The following AKNA variants were observed in gnomAD, a reference collection of about 807,000 sequenced individuals.
The protein encoded by AKNA is AT-hook transcription factor.
AKNA carries 67 observed loss-of-function variants against 138.8 expected under a neutral mutation model. That is an observed-to-expected ratio of 0.48 (90% CI 0.40 to 0.59). The LOEUF (loss-of-function observed/expected upper bound fraction) is 0.59, where lower values mean the gene tolerates loss of function less well. Ranked by LOEUF, AKNA falls within the 20% of genes least tolerant of loss-of-function variation. AKNA has a pLI of 0.00. For synonymous variants in AKNA, 737 were observed against 754.4 expected (o/e 0.98, Z 0.38); for missense variants, 1,813 against 1,880.4 (o/e 0.96, Z 0.66).
chr9:114,353,877 G>A (rs947073461), intron 14 of AKNA, among the ~76,000 whole-genome samples: 4 of 152,168 alleles, frequency 2.6e-5, no homozygotes, highest in Non-Finnish European at 4.4e-5. Flanking sequence ...AATGGAGCTC[G>A]CAGGACTGGA....
rs755663360 is a variant in AKNA at position 114,376,916 on chromosome 9, C to T, written c.891G>A (p.Trp297Ter). Residue 297 changes from tryptophan to a stop codon, truncating the protein, a stop_gained, in exon 3 of 22, where the codon TGG becomes TGA. Coordinates refer to ENST00000374088, the MANE Select transcript of AKNA (RefSeq NM_001317950.2). LOFTEE classifies it high-confidence loss of function. ...FFCPQPKEHI[W>*]KQTKTSPKPL... ...GCTTAGGTGACGTCTTTGTCTGCTT[C>T]CAGATGTGTTCCTTGGGCTGAGGGC... The T allele has an allele frequency of 1.2e-6, 2 of 1,614,086 alleles. No homozygotes were observed. The highest frequency in any genetic ancestry group is 2.2e-5 in the South Asian group (2 of 91,086).
intron 12 of AKNA, among the ~76,000 whole-genome samples, chr9:114,357,514 A>AGTGTGT (rs10534471): frequency 6.6e-6 from 1 of 150,938 alleles, no homozygotes; most frequent in Non-Finnish European, 1.5e-5. Flanking sequence ...GGACTACAGA[A>AGTGTGT]GTGTGTGTGT....
intron 4 of AKNA, among the ~76,000 whole-genome samples, chr9:114,373,070 A>G (rs533813793): frequency 4.3e-4 from 65 of 151,156 alleles, no homozygotes; most frequent in African/African-American, 1.5e-3. Context: ...TGAGAGCAGC[A>G]GCTGTGGCAG....
At chr9:114,362,618 C>T (rs1348431388) in intron 7 of AKNA, 85 bp from the exon 8 acceptor site, 27 of 1,473,522 alleles carry the variant, frequency 1.8e-5, no homozygotes, top group East Asian at 2.5e-5. Flanking sequence ...AGACAGCTTG[C>T]GGGAGGCCAT....
rs1300509083 is a variant in AKNA at position 114,368,553 on chromosome 9, G to A, written c.1459C>T (p.His487Tyr). 1.4e-6 allele frequency: 2 copies of A among 1,397,782 alleles called. No individual in the cohort carries two copies. The highest frequency in any genetic ancestry group is 1.9e-6 in the Non-Finnish European group (2 of 1,069,990). 86.6% of individuals were successfully genotyped at this position (1,397,782 alleles called of 1,614,324 possible). The stretch of plus-strand genomic sequence containing the variant: ...GTCCCCTGGGGCACCATTCCCGTGT[G>A]GATGCTGTGGTTGGGCTGGGGTGGG... ...SDPPQPNHSI[H>Y]TGMVPQGTKV... The change falls in exon 5 of 22, where the codon CAC becomes TAC. Residue 487 changes from histidine to tyrosine, a missense_variant. His to Tyr is a moderately conservative substitution (Grantham distance 83). Coordinates refer to ENST00000374088, the MANE Select transcript of AKNA (RefSeq NM_001317950.2).
At chr9:114,332,177 G>A (rs1281156276), downstream of AKNA, among the ~76,000 whole-genome samples, 2 of 151,892 alleles carry the variant, frequency 1.3e-5, no homozygotes, top group Admixed American at 6.5e-5. Flanking sequence ...GGAACAGCGT[G>A]AGCCACGGGG....
rs777651026 is a variant in AKNA, at chr9:114,377,432, T to C, written c.375A>G (p.Pro125=). The C allele has an allele frequency of 3.7e-5, 60 of 1,613,690 alleles. No homozygotes were observed. The highest frequency in any genetic ancestry group is 4.6e-5 in the Non-Finnish European group (54 of 1,179,996). ...GRQLDMTEEE[P]DGTLGSLEVE... ...CCTCCAGACTTCCGAGGGTCCCATC[T>C]GGCTCCTCTTCAGTCATGTCCAGCT... is the stretch of plus-strand genomic sequence containing the variant. The change falls in exon 3 of 22, where the codon CCA becomes CCG. Residue 125 remains proline, a synonymous_variant. Coordinates refer to ENST00000374088, the MANE Select transcript of AKNA (RefSeq NM_001317950.2).
chr9:114,350,507 T>C (rs950656966), intron 15 of AKNA, among the ~76,000 whole-genome samples: 1 of 152,204 alleles, frequency 6.6e-6, no homozygotes, highest in African/African-American at 2.4e-5. Context: ...CAGAAGGCAG[T>C]AGCTTCTTGG....
downstream of AKNA, chr9:114,331,614 A>G: frequency 3.1e-6 from 5 of 1,614,024 alleles, no homozygotes; most frequent in Non-Finnish European, 4.2e-6. Context: ...TAGGGACACC[A>G]AGACCTTGAT....
downstream of AKNA, chr9:114,331,482 G>A (rs138117959): frequency 2.8e-4 from 310 of 1,107,590 alleles, 1 homozygote; most frequent in Middle Eastern, 5.2e-3. Flanking sequence ...TTGTGGCCCC[G>A]GACACACCTA....
rs990652221 is a variant in AKNA at position 114,342,090 on chromosome 9, G to A, written c.3793C>T (p.Pro1265Ser). 1 of 1,610,254 alleles carries A rather than the reference G, an allele frequency of 6.2e-7. No homozygotes were observed. Among genetic ancestry groups the A allele is most frequent in the African/African-American group, 1.3e-5 (1 of 74,680 alleles). ...AVTGDPLGPPPADTLQCPLCG... is the reference protein window; with the variant it reads ...AVTGDPLGPPSADTLQCPLCG... ...AGGGGACACTGAAGGGTATCAGCGG[G>A]AGGCGGTCCCAGTGGGTCCCCTGTG... is the stretch of plus-strand genomic sequence containing the variant. Residue 1265 changes from proline (P) to serine (S), a missense_variant, in exon 20 of 22, where the codon CCC (proline) becomes TCC (serine). Coordinates refer to ENST00000374088, the MANE Select transcript of AKNA (RefSeq NM_001317950.2).
chr9:114,362,370 C>T (rs1000208075), intron 8 of AKNA, 36 bp downstream of exon 8: 1 of 1,593,566 alleles, frequency 6.3e-7, no homozygotes, highest in Non-Finnish European at 8.6e-7. Flanking sequence ...GGGCCCATCC[C>T]ATCTGTCCTT....
chr9:114,362,322 G>A (rs1832028347), intron 8 of AKNA, 84 bp downstream of exon 8: 1 of 1,474,900 alleles, frequency 6.8e-7, no homozygotes. Context: ...AAATTATAAG[G>A]ACAAAGTGCC....
chr9:114,371,704 C>T (rs1832779508), intron 4 of AKNA, among the ~76,000 whole-genome samples: 2 of 152,212 alleles, frequency 1.3e-5, no homozygotes, highest in African/African-American at 4.8e-5. Flanking sequence ...AATCTCCTTC[C>T]TATGGGTCCC....
chr9:114,374,392 C>T (rs1833016183), intron 3 of AKNA, among the ~76,000 whole-genome samples: 1 of 152,228 alleles, frequency 6.6e-6, no homozygotes, highest in African/African-American at 2.4e-5. Flanking sequence ...AACTCTTCTA[C>T]CCCCATGACA....
Position 114,347,647 on chromosome 9 carries a change from G to A in AKNA, c.3398+77C>T, listed in dbSNP as rs1422810924. ...GGCAGTGCCTGAGTCCATATGTCTG[G>A]GGAGAGCCAGAGGCCAGCCAAGACT... On this transcript the variant is annotated intron_variant, in intron 16 of 21. Transcript: ENST00000374088. 3 of 1,408,780 alleles carry A rather than the reference G, an allele frequency of 2.1e-6. No individual in the cohort carries two copies. In the East Asian group the frequency reaches 7.7e-5, roughly 36 times the overall value. The allele number at this position is 1,408,780 out of a possible 1,614,324, so 87.3% of individuals were successfully genotyped here. A position where few individuals can be genotyped will look rare whatever the true frequency, so the allele number is the denominator to read the frequency against.
At chr9:114,398,241 T>C (rs1484302148), upstream of AKNA, among the ~76,000 whole-genome samples, 1 of 152,114 alleles carries the variant, frequency 6.6e-6, no homozygotes, top group Non-Finnish European at 1.5e-5. The surrounding 1 kb of genome is among the most constrained non-coding windows in gnomAD (Gnocchi z 4.2). Context: ...TCCCTCCCAT[T>C]CCCGGAGCGG....
intron 15 of AKNA, 146 bp from the exon 16 acceptor site, chr9:114,348,046 C>T: frequency 1.2e-6 from 1 of 863,102 alleles, no homozygotes; most frequent in Non-Finnish European, 1.7e-6. Context: ...CTAGAACTTT[C>T]CTGTGCGACA....
chr9:114,372,374 C>T (rs557392301), intron 4 of AKNA, among the ~76,000 whole-genome samples: 9 of 152,304 alleles, frequency 5.9e-5, no homozygotes, highest in South Asian at 4.1e-4. Context: ...GGAGCACCCA[C>T]GAGAGGAGAT....
Sources: allele counts gnomAD v4.1 joint callset (sites outside exome capture counted in the v4.1 genomes callset), GRCh38; gene constraint gnomAD v4.1.1; non-coding constraint Gnocchi (gnomAD v3.1); transcripts MANE v1.5; gene names NCBI Gene and HGNC (gene_info 2026-07-23, HGNC 2026-07-21).